The following XKRX variants were observed in gnomAD, a reference collection of about 807,000 sequenced individuals.
XKRX encodes XK related X-linked.
In XKRX, 11 loss-of-function variants were observed where a neutral mutation model predicts 22.4. That is an observed-to-expected ratio of 0.49 (90% CI 0.31 to 0.81). The LOEUF is 0.81. Ranked by LOEUF, XKRX falls within the 40% of genes least tolerant of loss-of-function variation. XKRX has a pLI of 0.05. For synonymous variants in XKRX, 114 were observed against 132.2 expected, an observed-to-expected ratio of 0.86 and a Z score of 0.94; for missense variants, 320 against 336.5, an observed-to-expected ratio of 0.95 and a Z score of 0.38.
At chrX:100,888,312 C>A in the XKRX span, 1 of 703,354 alleles carries the variant, frequency 1.4e-6, no homozygotes, top group Non-Finnish European at 2.2e-6. Flanking sequence ...CTTTGATAAT[C>A]TTCTCTTGAG....
At chrX:100,909,651 C>A (rs919651100), downstream of XKRX, among the ~76,000 whole-genome samples, 2 of 111,827 alleles carry the variant, frequency 1.8e-5, no homozygotes, top group Non-Finnish European at 3.8e-5. Context: ...CGCCTGTGAT[C>A]CCAACACTTT....
intron 2 of XKRX, among the ~76,000 whole-genome samples, chrX:100,917,722 G>GAAAGACAGAAAT (rs772047288): frequency 1.3e-5 from 1 of 74,991 alleles, no homozygotes; most frequent in African/African-American, 3.8e-5. Context: ...AAGAAAGAAA[G>GAAAGACAGAAAT]AAATCCTTGG....
intron 1 of XKRX, among the ~76,000 whole-genome samples, 168 bp from the exon 2 acceptor site, chrX:100,923,229 G>A (rs1206945566): frequency 3.6e-5 from 4 of 112,153 alleles, no homozygotes; most frequent in East Asian, 5.6e-4. Context: ...ATAATTCATT[G>A]CAGCTTTGAC....
Position 100,914,561 on chromosome X carries a change from A to T in XKRX, c.1127T>A (p.Leu376Gln). The T allele has an allele frequency of 1.3e-5, 16 of 1,212,122 alleles. No homozygotes were observed. The highest frequency in any genetic ancestry group is 1.7e-5 in the Non-Finnish European group (15 of 895,498). ...VFKFFGVKVL[L>Q]NYCHSLIALQ... ...GGCAATCAAGGAATGACAGTAATTC[A>T]GTAACACTTTCACTCCAAAGAACTT... The change falls in exon 3 of 3, where the codon CTG becomes CAG. Residue 376 changes from leucine to glutamine, a missense_variant. Coordinates refer to ENST00000372956, the MANE Select transcript of XKRX (RefSeq NM_212559.3).
At chrX:100,930,933 A>T (rs1480871675), upstream of XKRX, among the ~76,000 whole-genome samples, 2 of 109,765 alleles carry the variant, frequency 1.8e-5, no homozygotes, top group Non-Finnish European at 3.8e-5. Flanking sequence ...GGAGTTTGAG[A>T]CCAGCCTGAC....
chrX:100,932,694 G>A (rs1421216505), upstream of XKRX, among the ~76,000 whole-genome samples: 6 of 112,169 alleles, frequency 5.3e-5, no homozygotes, highest in Non-Finnish European at 1.1e-4. Context: ...TAAGAGGTGC[G>A]TGGCATCCAT....
the XKRX span, among the ~76,000 whole-genome samples, chrX:100,900,148 A>G: frequency 3.6e-5 from 4 of 111,794 alleles, no homozygotes; most frequent in Non-Finnish European, 7.5e-5. Context: ...TGCAGCCTCA[A>G]CCTCCTGTGC....
At chrX:100,886,973 A>G in the XKRX span, among the ~76,000 whole-genome samples, 1 of 112,616 alleles carries the variant, frequency 8.9e-6, no homozygotes, top group Non-Finnish European at 1.9e-5. Flanking sequence ...TGGATGATAC[A>G]CAAGCTTCAT....
the XKRX span, among the ~76,000 whole-genome samples, chrX:100,887,112 A>G: frequency 9.0e-6 from 1 of 111,647 alleles, no homozygotes; most frequent in African/African-American, 3.3e-5. Flanking sequence ...GGTGAACTTC[A>G]GGTCACAACA....
chrX:100,914,523 T>C lies in XKRX; in HGVS notation c.1165A>G (p.Ile389Val), dbSNP rs779149973. The C allele has an allele frequency of 8.3e-7, 1 of 1,211,609 alleles. No homozygotes were observed. Among genetic ancestry groups the C allele is most frequent in the Non-Finnish European group, 1.1e-6 (1 of 895,427 alleles). The change falls in exon 3 of 3, where the codon ATT (isoleucine) becomes GTT (valine). Residue 389 changes from isoleucine to valine, a missense_variant. Transcript: ENST00000372956. ...AAGCCAATGGAAATCAGATAAGCAA[T>C]AATGAGCTGCAAGGCAATCAAGGAA... ...CHSLIALQLIIAYLISIGFML... is the reference protein window; with the variant it reads ...CHSLIALQLIVAYLISIGFML...
At chrX:100,895,001 A>G in the XKRX span, among the ~76,000 whole-genome samples, 1,595 of 112,090 alleles carry the variant, frequency 0.014, 25 homozygotes, top group African/African-American at 0.05. Context: ...TCCTGATTAG[A>G]ATAATTCGGA....
rs181578046 is a variant in XKRX, at chrX:100,925,846, G to C, written c.335+2124C>G. The stretch of plus-strand genomic sequence containing the variant: ...TGAGTTATATCTGACCAACAGATAT[G>C]GTTTGGTCCATCCTGTGTTGTTGTT... On this transcript the variant is annotated intron_variant, in intron 1 of 2. Transcript: ENST00000372956. Among the ~76,000 whole-genome samples, 3 of 112,026 alleles carry C rather than the reference G, an allele frequency of 2.7e-5. No individual in the cohort carries two copies. The East Asian group carries it at 8.4e-4, about 31-fold the overall frequency.
chrX:100,951,408 A>G, the XKRX span, among the ~76,000 whole-genome samples: 2 of 89,906 alleles, frequency 2.2e-5, no homozygotes, highest in African/African-American at 8.2e-5. Context: ...CGATTCTAAA[A>G]TTAAAAATTA....
the XKRX span, among the ~76,000 whole-genome samples, chrX:100,936,352 C>A: frequency 1.9e-5 from 2 of 107,863 alleles, no homozygotes; most frequent in African/African-American, 6.7e-5. Context: ...ACCAGCCTGG[C>A]CAAAATGGTG....
chrX:100,914,140 C>A lies in XKRX; in HGVS notation c.*198G>T. The stretch of plus-strand genomic sequence containing the variant: ...GACCCTTTCAACTATATAGTCGATA[C>A]CCCCTGTTTCCAAACATAGTGGTAA... On this transcript the variant is annotated 3_prime_UTR_variant, in exon 3 of 3. Transcript: ENST00000372956. 4.2e-6 allele frequency: 2 copies of A among 479,069 alleles called. No homozygotes were observed. The highest frequency in any genetic ancestry group is 3.6e-6 in the Non-Finnish European group (1 of 280,145). The allele number at this position is 479,069 out of a possible 1,213,427, so 39.5% of individuals were successfully genotyped here. A position where few individuals can be genotyped will look rare whatever the true frequency, so the allele number is the denominator to read the frequency against.
At chrX:100,952,079 AAATAATAAT>A in the XKRX span, among the ~76,000 whole-genome samples, 4 of 110,087 alleles carry the variant, frequency 3.6e-5, no homozygotes, top group Non-Finnish European at 7.6e-5. Context: ...AAGACAGTAC[AAATAATAAT>A]AATAATAATA....
intron 2 of XKRX, among the ~76,000 whole-genome samples, chrX:100,921,663 C>T (rs1473907120): frequency 9.0e-6 from 1 of 110,550 alleles, no homozygotes; most frequent in East Asian, 2.8e-4. Context: ...TTTGAAAACA[C>T]TGACTCACAT....
chrX:100,930,883 G>T (rs938663009), upstream of XKRX, among the ~76,000 whole-genome samples: 1 of 110,647 alleles, frequency 9.0e-6, no homozygotes, highest in Non-Finnish European at 1.9e-5. Flanking sequence ...TGTAATCCCA[G>T]CATTTCGGGA....
At chrX:100,934,724 G>A in the XKRX span, among the ~76,000 whole-genome samples, 4 of 111,667 alleles carry the variant, frequency 3.6e-5, no homozygotes, top group Non-Finnish European at 7.5e-5. Flanking sequence ...AGTTCACTTG[G>A]GTACATACTT....
Sources: allele counts gnomAD v4.1 joint callset (sites outside exome capture counted in the v4.1 genomes callset), GRCh38; gene constraint gnomAD v4.1.1; transcripts MANE v1.5; gene names NCBI Gene and HGNC (gene_info 2026-07-23, HGNC 2026-07-21).